Variants in FSTL4 observed in about 807,000 individuals in gnomAD.
The protein encoded by FSTL4 is follistatin like 4.
FSTL4 carries 28 observed loss-of-function variants against 78.2 expected under a neutral mutation model. That is an observed-to-expected ratio of 0.36 (90% CI 0.27 to 0.49). The LOEUF is 0.49. Among genes scored for constraint, FSTL4 ranks in the 20% least tolerant of loss-of-function variants. The pLI is 0.98. For synonymous variants in FSTL4, 422 were observed against 440.5 expected, an observed-to-expected ratio of 0.96 and a Z score of 0.53; for missense variants, 922 against 1,084.9, an observed-to-expected ratio of 0.85 and a Z score of 2.11.
At chr5:133,381,542 C>T (rs1755570714) in intron 4 of FSTL4, among the ~76,000 whole-genome samples, 1 of 152,112 alleles carries the variant, frequency 6.6e-6, no homozygotes, top group Non-Finnish European at 1.5e-5. Context: ...GTGGTCACCT[C>T]CAGGCAGGGA....
intron 2 of FSTL4, among the ~76,000 whole-genome samples, chr5:133,593,259 C>T (rs1276108970): frequency 2.0e-5 from 3 of 152,104 alleles, no homozygotes; most frequent in African/African-American, 7.2e-5. Flanking sequence ...TAATGAGCAC[C>T]CACATCCTCT....
At chr5:133,249,887 GGCCCA>G (rs1170824787) in intron 6 of FSTL4, among the ~76,000 whole-genome samples, 1 of 152,236 alleles carries the variant, frequency 6.6e-6, no homozygotes, top group East Asian at 1.9e-4. Context: ...AAGGCCAGGG[GGCCCA>G]CCACAGAGAG....
intron 3 of FSTL4, among the ~76,000 whole-genome samples, chr5:133,505,122 C>T (rs1439456348): frequency 2.0e-5 from 3 of 152,084 alleles, no homozygotes; most frequent in Non-Finnish European, 2.9e-5. Flanking sequence ...AATGCATTAA[C>T]AGAGAATAGG....
intron 3 of FSTL4, among the ~76,000 whole-genome samples, chr5:133,442,548 A>G (rs994832888): frequency 7.2e-5 from 11 of 152,230 alleles, no homozygotes; most frequent in African/African-American, 2.4e-4. Flanking sequence ...ACCAGAGTCA[A>G]TAAAAGCATG....
chr5:133,840,694 T>C, the FSTL4 span, among the ~76,000 whole-genome samples: 12 of 152,206 alleles, frequency 7.9e-5, no homozygotes, highest in Non-Finnish European at 1.6e-4. Context: ...AAGCCAGAGC[T>C]ACCAGGCTAA....
chr5:133,205,839 G>A (rs1337270522), intron 14 of FSTL4, among the ~76,000 whole-genome samples: 1 of 152,046 alleles, frequency 6.6e-6, no homozygotes, highest in African/African-American at 2.4e-5. Flanking sequence ...TACTACTAAG[G>A]GTCATAAGCC....
At position 133,526,451 on chromosome 5, in the gene FSTL4, A is replaced by T. The variant is rs114796989; in HGVS notation, c.160+40735T>A. On this transcript the variant is annotated intron_variant, in intron 3 of 15. Coordinates refer to ENST00000265342, the MANE Select transcript of FSTL4 (RefSeq NM_015082.2). ...AAAGCCCAAATGTACAGCCAGAACGAAGGGGACTTGCTGGGTTAGGGTGCG... is the reference window on the plus strand; with the variant it reads ...AAAGCCCAAATGTACAGCCAGAACGTAGGGGACTTGCTGGGTTAGGGTGCG... 6.1e-3 allele frequency among the ~76,000 whole-genome samples: 924 copies of T among 152,222 alleles called. 6 individuals are homozygous for T. The highest frequency in any genetic ancestry group is 9.7e-3 in the Admixed American group (148 of 15,294).
chr5:133,345,314 G>A (rs375569370), intron 4 of FSTL4, among the ~76,000 whole-genome samples: 1 of 152,104 alleles, frequency 6.6e-6, no homozygotes. Flanking sequence ...TGTAGATTCT[G>A]GATATTAGCC....
At chr5:133,826,616 A>G in the FSTL4 span, among the ~76,000 whole-genome samples, 3 of 152,198 alleles carry the variant, frequency 2.0e-5, no homozygotes, top group Non-Finnish European at 1.5e-5. Flanking sequence ...CCTTTCTCCT[A>G]CAAGGACACT....
the FSTL4 span, among the ~76,000 whole-genome samples, chr5:133,778,777 A>C: frequency 8.6e-3 from 1,315 of 152,296 alleles, 5 homozygotes; most frequent in Admixed American, 0.016. Flanking sequence ...TCTTCATTCT[A>C]AAGCAAGGAA....
At chr5:133,764,963 G>A in the FSTL4 span, among the ~76,000 whole-genome samples, 4 of 152,214 alleles carry the variant, frequency 2.6e-5, no homozygotes, top group Admixed American at 1.3e-4. Flanking sequence ...CCTCACATAC[G>A]TGGGGTAACA....
chr5:133,232,759 T>C (rs1346281020), intron 8 of FSTL4, among the ~76,000 whole-genome samples: 1 of 152,044 alleles, frequency 6.6e-6, no homozygotes, highest in African/African-American at 2.4e-5. Flanking sequence ...GATGGGAAGG[T>C]CCATGTGAAG....
the FSTL4 span, among the ~76,000 whole-genome samples, chr5:133,626,469 C>T: frequency 1.3e-4 from 20 of 148,544 alleles, no homozygotes; most frequent in African/African-American, 4.0e-4. Context: ...TCCCAAAGTA[C>T]TTGGATTACA....
intron 3 of FSTL4, among the ~76,000 whole-genome samples, chr5:133,448,441 C>T (rs1413897789): frequency 6.6e-6 from 1 of 152,224 alleles, no homozygotes; most frequent in Non-Finnish European, 1.5e-5. Context: ...CCATCCCTTC[C>T]AGGTGCCACC....
the FSTL4 span, among the ~76,000 whole-genome samples, chr5:133,769,716 T>C: frequency 1.3e-5 from 2 of 152,248 alleles, no homozygotes; most frequent in Non-Finnish European, 1.5e-5. Context: ...AAAAAATCTT[T>C]ATGTATTTAG....
intron 3 of FSTL4, among the ~76,000 whole-genome samples, chr5:133,542,515 T>C (rs1759497502): frequency 6.6e-6 from 1 of 152,212 alleles, no homozygotes; most frequent in South Asian, 2.1e-4. Flanking sequence ...GTAGTTCATA[T>C]GAGATGAAAA....
At chr5:133,768,241 A>T in the FSTL4 span, among the ~76,000 whole-genome samples, 1 of 152,196 alleles carries the variant, frequency 6.6e-6, no homozygotes, top group South Asian at 2.1e-4. Context: ...ACTCTCTGCC[A>T]TTCAGGATGA....
chr5:133,784,920 A>G, the FSTL4 span, among the ~76,000 whole-genome samples: 1 of 152,180 alleles, frequency 6.6e-6, no homozygotes, highest in Non-Finnish European at 1.5e-5. Context: ...GCTTAACATC[A>G]GTAGGTTCAG....
intron 7 of FSTL4, among the ~76,000 whole-genome samples, chr5:133,245,121 T>TAA (rs11315228): frequency 4.4e-4 from 40 of 91,434 alleles, no homozygotes; most frequent in African/African-American, 1.1e-3. Context: ...CCCTACTGCC[T>TAA]AAAAAAAAAA....
Sources: allele counts gnomAD v4.1 joint callset (sites outside exome capture counted in the v4.1 genomes callset), GRCh38; gene constraint gnomAD v4.1.1; transcripts MANE v1.5; gene names NCBI Gene and HGNC (gene_info 2026-07-23, HGNC 2026-07-21).